The following ZFPM2 variants were observed in gnomAD, a reference collection of about 807,000 sequenced individuals.
ZFPM2 encodes the protein zinc finger protein, FOG family member 2, also known as zinc finger protein ZFPM2.
In ZFPM2, 20 loss-of-function variants were observed where a neutral mutation model predicts 98.6. The ratio of observed to expected loss-of-function variants is 0.20; its 90% CI spans 0.14 to 0.29. The LOEUF is 0.29. Ranked by LOEUF, ZFPM2 falls within the 10% of genes least tolerant of loss-of-function variation. ZFPM2 has a pLI of 1.00. For missense variants in ZFPM2, 1,310 were observed against 1,388.6 expected, an observed-to-expected ratio of 0.94 and a Z score of 0.90; for synonymous variants, 518 against 502.7, an observed-to-expected ratio of 1.03 and a Z score of -0.41.
chr8:105,508,232 G>A, intron 3 of ZFPM2, among the ~76,000 whole-genome samples: 1 of 152,250 alleles, frequency 6.6e-6, no homozygotes. Flanking sequence ...GCAGCTGCTA[G>A]AGTACCAGTC....
chr8:105,790,383 A>C (rs1813568075), intron 6 of ZFPM2, among the ~76,000 whole-genome samples: 1 of 152,210 alleles, frequency 6.6e-6, no homozygotes, highest in African/African-American at 2.4e-5. Flanking sequence ...TTTGTCAAAG[A>C]TCAGATAGAT....
intron 5 of ZFPM2, among the ~76,000 whole-genome samples, chr8:105,779,339 T>C (rs528994544): frequency 6.6e-6 from 1 of 152,360 alleles, no homozygotes; most frequent in Non-Finnish European, 1.5e-5. Flanking sequence ...GTAGCTGTGC[T>C]AGAGGTTTAC....
At chr8:105,734,964 C>T (rs1405812524) in intron 5 of ZFPM2, among the ~76,000 whole-genome samples, 1 of 150,470 alleles carries the variant, frequency 6.6e-6, no homozygotes, top group Non-Finnish European at 1.5e-5. Flanking sequence ...CAGTTTTAAC[C>T]ATTAAGGCAT....
At chr8:105,565,212 C>T (rs1815218507) in intron 4 of ZFPM2, among the ~76,000 whole-genome samples, 1 of 152,118 alleles carries the variant, frequency 6.6e-6, no homozygotes, top group Non-Finnish European at 1.5e-5. Context: ...GAAGCCTTTG[C>T]AGACCAGGCA....
chr8:105,431,993 G>A (rs1449799392), intron 2 of ZFPM2, among the ~76,000 whole-genome samples: 1 of 151,804 alleles, frequency 6.6e-6, no homozygotes, highest in Non-Finnish European at 1.5e-5. Context: ...GCAAAAAAAG[G>A]TCATAGAGTT....
At chr8:105,460,027 G>A (rs1812674425) in intron 3 of ZFPM2, among the ~76,000 whole-genome samples, 1 of 152,102 alleles carries the variant, frequency 6.6e-6, no homozygotes, top group Non-Finnish European at 1.5e-5. Flanking sequence ...AGAACCCTCT[G>A]GTACCAGATA....
At chr8:105,472,183 T>A (rs1171287323) in intron 3 of ZFPM2, among the ~76,000 whole-genome samples, 1 of 152,164 alleles carries the variant, frequency 6.6e-6, no homozygotes, top group Admixed American at 6.5e-5. Flanking sequence ...TTTCAAAGAA[T>A]CAAACTAATA....
chr8:105,609,723 C>T (rs1006718199), intron 4 of ZFPM2, among the ~76,000 whole-genome samples: 26 of 152,122 alleles, frequency 1.7e-4, no homozygotes. Context: ...TTCTTCCTAG[C>T]AAATGTTAAC....
At chr8:105,387,512 A>T (rs111670153) in intron 1 of ZFPM2, 3,879 of 153,756 alleles carry the variant, frequency 0.025, 155 homozygotes, top group African/African-American at 0.088. Flanking sequence ...AGTCCGGCAC[A>T]GCAGCTGCTG....
At chr8:105,622,368 A>G (rs1244110876) in intron 4 of ZFPM2, among the ~76,000 whole-genome samples, 1 of 152,126 alleles carries the variant, frequency 6.6e-6, no homozygotes, top group Non-Finnish European at 1.5e-5. Flanking sequence ...AGGAGTTACT[A>G]AAATGTAATT....
At chr8:105,733,812 C>G (rs900899659) in intron 5 of ZFPM2, among the ~76,000 whole-genome samples, 2 of 151,852 alleles carry the variant, frequency 1.3e-5, no homozygotes, top group Non-Finnish European at 2.9e-5. Context: ...ATCCCTATTA[C>G]CACTCTAATA....
rs569982981 is a variant in ZFPM2 at position 105,468,334 on chromosome 8, C to T, written c.301+23953C>T. On this transcript the variant is annotated intron_variant, in intron 3 of 7. Transcript: ENST00000407775. ...GCCATTACCCCTGTAACCTCATGGC[C>T]ACTTCTGATCAGGGAACAATGTCCT... 2.5e-4 allele frequency among the ~76,000 whole-genome samples: 38 copies of T among 152,168 alleles called. No homozygotes were observed. In the East Asian group the frequency reaches 7.0e-3, roughly 28 times the overall value.
chr8:105,504,632 G>A (rs1369270976), intron 3 of ZFPM2, among the ~76,000 whole-genome samples: 2 of 152,110 alleles, frequency 1.3e-5, no homozygotes, highest in African/African-American at 4.8e-5. Context: ...CAGACAATAA[G>A]GAATGTTGTG....
At chr8:105,337,676 GT>G (rs1415433221) in intron 1 of ZFPM2, among the ~76,000 whole-genome samples, 2 of 151,328 alleles carry the variant, frequency 1.3e-5, no homozygotes, top group African/African-American at 4.8e-5. Flanking sequence ...GTCTTCTAAT[GT>G]ATTAGAGCAT....
chr8:105,767,427 A>G (rs145389590), intron 5 of ZFPM2, among the ~76,000 whole-genome samples: 32 of 152,090 alleles, frequency 2.1e-4, no homozygotes, highest in African/African-American at 6.0e-4. Flanking sequence ...TTAAAATACA[A>G]TCTATAATTA....
chr8:105,415,617 A>G (rs1005816136), intron 1 of ZFPM2, among the ~76,000 whole-genome samples: 1 of 151,984 alleles, frequency 6.6e-6, no homozygotes, highest in African/African-American at 2.4e-5. Context: ...TATTAATTGT[A>G]CTTGTGCTTC....
chr8:105,541,150 C>T (rs886498458), intron 3 of ZFPM2, among the ~76,000 whole-genome samples: 1 of 152,048 alleles, frequency 6.6e-6, no homozygotes, highest in Non-Finnish European at 1.5e-5. Flanking sequence ...TTTGATCTAC[C>T]AAACCTATGC....
intron 1 of ZFPM2, among the ~76,000 whole-genome samples, chr8:105,417,406 A>G (rs1050681261): frequency 4.6e-5 from 7 of 152,108 alleles, no homozygotes; most frequent in African/African-American, 1.7e-4. Flanking sequence ...TATACAAATA[A>G]AAAAATAGAA....
intron 5 of ZFPM2, among the ~76,000 whole-genome samples, chr8:105,681,652 T>C (rs1250408203): frequency 6.6e-6 from 1 of 152,178 alleles, no homozygotes; most frequent in Non-Finnish European, 1.5e-5. Flanking sequence ...AACCTTCTGG[T>C]ATGTATTCAT....
Sources: gnomAD v4.1 joint callset for allele counts (sites outside exome capture counted in the v4.1 genomes callset) on GRCh38, gnomAD v4.1.1 for gene constraint, MANE v1.5 for transcripts, NCBI Gene and HGNC (gene_info 2026-07-23, HGNC 2026-07-21) for gene names.